GRIP1: variants seen among roughly 807,000 people sequenced by gnomAD.
The protein encoded by GRIP1 is glutamate receptor interacting protein 1.
A neutral mutation model predicts 129.9 loss-of-function variants in GRIP1; 45 were observed. The ratio of observed to expected loss-of-function variants is 0.35; its 90% confidence interval spans 0.27 to 0.44. The LOEUF is 0.44. GRIP1 is among the 20% of genes least tolerant of loss of function. The pLI is 1.00. For synonymous variants in GRIP1, 530 were observed against 520.8 expected, an observed-to-expected ratio of 1.02 and a Z score of -0.24; for missense variants, 1,196 against 1,396.8, an observed-to-expected ratio of 0.86 and a Z score of 2.29.
At chr12:66,866,987 TTTTA>T (rs1407265680) in intron 1 of GRIP1, among the ~76,000 whole-genome samples, 3 of 152,112 alleles carry the variant, frequency 2.0e-5, no homozygotes, top group Non-Finnish European at 2.9e-5. Context: ...ATATTGTATA[TTTTA>T]TTTATTTTTT....
At chr12:66,702,071 G>A (rs1476436597) in intron 1 of GRIP1, among the ~76,000 whole-genome samples, 1 of 152,070 alleles carries the variant, frequency 6.6e-6, no homozygotes, top group Non-Finnish European at 1.5e-5. Flanking sequence ...GGTCATAAAC[G>A]ATGAGAAAAA....
chr12:66,759,893 C>T (rs11176410), intron 1 of GRIP1, among the ~76,000 whole-genome samples: 68,443 of 150,412 alleles, frequency 0.46, 15,723 homozygotes, highest in East Asian at 0.59. Flanking sequence ...CTTGCTCTGT[C>T]GCCCAGGCTG....
chr12:66,582,998 T>G (rs1437347030), intron 2 of GRIP1, among the ~76,000 whole-genome samples: 1 of 151,504 alleles, frequency 6.6e-6, no homozygotes, highest in Middle Eastern at 3.2e-3. Context: ...GCTACCTGAC[T>G]TCAAACTACA....
intron 1 of GRIP1, among the ~76,000 whole-genome samples, chr12:66,780,215 A>T (rs1471843372): frequency 6.6e-6 from 1 of 152,224 alleles, no homozygotes; most frequent in Non-Finnish European, 1.5e-5. Context: ...CAAGCTACCA[A>T]GAAGAGCAGG....
intron 1 of GRIP1, among the ~76,000 whole-genome samples, chr12:66,661,124 T>C (rs771861090): frequency 6.6e-6 from 1 of 152,036 alleles, no homozygotes; most frequent in African/African-American, 2.4e-5. Context: ...GTGATGCACC[T>C]AGAAATTGAG....
chr12:66,529,766 C>T (rs1353060885), intron 5 of GRIP1, 65 bp downstream of exon 5: 1 of 899,906 alleles, frequency 1.1e-6, no homozygotes, highest in Non-Finnish European at 1.9e-6. Context: ...ACCCAAATAC[C>T]ACCTGTTCTC....
At chr12:66,561,779 A>G (rs1432413840) in intron 2 of GRIP1, among the ~76,000 whole-genome samples, 1 of 152,172 alleles carries the variant, frequency 6.6e-6, no homozygotes, top group Non-Finnish European at 1.5e-5. Flanking sequence ...CGTAAGGCAC[A>G]CTGTTATTTT....
intron 19 of GRIP1, among the ~76,000 whole-genome samples, chr12:66,382,128 G>T (rs1446415971): frequency 6.6e-6 from 1 of 152,180 alleles, no homozygotes; most frequent in Admixed American, 6.5e-5. Flanking sequence ...TACTTGGGGG[G>T]CTGAGGCAAG....
At chr12:66,690,783 A>C (rs1171956960) in intron 1 of GRIP1, among the ~76,000 whole-genome samples, 1 of 150,898 alleles carries the variant, frequency 6.6e-6, no homozygotes, top group East Asian at 2.0e-4. Context: ...GCTTAGAAAA[A>C]TTAACCAGGC....
At chr12:66,846,134 G>A (rs2039810651) in intron 1 of GRIP1, among the ~76,000 whole-genome samples, 1 of 152,262 alleles carries the variant, frequency 6.6e-6, no homozygotes, top group Middle Eastern at 3.4e-3. Context: ...GCCATCTTTG[G>A]TGATTACTAT....
intron 1 of GRIP1, among the ~76,000 whole-genome samples, chr12:66,856,387 T>G (rs1209477889): frequency 1.3e-5 from 2 of 152,026 alleles, no homozygotes; most frequent in Admixed American, 6.6e-5. Flanking sequence ...CTAATTAAAC[T>G]AAAGAGCTTC....
At chr12:66,494,988 A>G (rs1217889729) in intron 7 of GRIP1, among the ~76,000 whole-genome samples, 1 of 152,194 alleles carries the variant, frequency 6.6e-6, no homozygotes, top group Non-Finnish European at 1.5e-5. Flanking sequence ...TAGGGTTGCT[A>G]TAACTATTAG....
intron 7 of GRIP1, among the ~76,000 whole-genome samples, chr12:66,472,179 G>A (rs971734522): frequency 1.3e-5 from 2 of 152,162 alleles, no homozygotes; most frequent in Non-Finnish European, 2.9e-5. Flanking sequence ...ATAGTCCCAT[G>A]GAAGTGGACT....
chr12:66,855,718 A>G (rs550354996), intron 1 of GRIP1, among the ~76,000 whole-genome samples: 1 of 152,144 alleles, frequency 6.6e-6, no homozygotes, highest in South Asian at 2.1e-4. Flanking sequence ...AACTAAATAT[A>G]AACATATTAA....
intron 4 of GRIP1, among the ~76,000 whole-genome samples, chr12:66,538,858 C>T (rs533884669): frequency 6.6e-5 from 10 of 152,184 alleles, no homozygotes; most frequent in Non-Finnish European, 1.5e-4. Flanking sequence ...CTGCCTCAGC[C>T]TCCCAAAGTG....
intron 1 of GRIP1, among the ~76,000 whole-genome samples, chr12:66,986,924 G>C: frequency 6.6e-6 from 1 of 151,668 alleles, no homozygotes. Flanking sequence ...ATTCCTACTA[G>C]AAATTCTAAG....
At chr12:66,473,860 C>A (rs1169925128) in intron 7 of GRIP1, among the ~76,000 whole-genome samples, 2 of 152,130 alleles carry the variant, frequency 1.3e-5, no homozygotes, top group African/African-American at 2.4e-5. Context: ...GTAGATAAAT[C>A]CATGAAGATG....
chr12:66,896,452 C>T (rs2040748563), intron 1 of GRIP1, among the ~76,000 whole-genome samples: 1 of 136,338 alleles, frequency 7.3e-6, no homozygotes, highest in South Asian at 2.4e-4. Context: ...GTCAGAGTGA[C>T]TGTGAGAATA....
chr12:67,036,212 A>C (rs2043092474), intron 1 of GRIP1, among the ~76,000 whole-genome samples: 1 of 152,172 alleles, frequency 6.6e-6, no homozygotes, highest in African/African-American at 2.4e-5. Flanking sequence ...CCGAGTTTGC[A>C]TTTCACGATA....
Sources: allele counts gnomAD v4.1 joint callset (sites outside exome capture counted in the v4.1 genomes callset), GRCh38; gene constraint gnomAD v4.1.1; transcripts MANE v1.5; gene names NCBI Gene and HGNC (gene_info 2026-07-23, HGNC 2026-07-21).